POTEE: variants seen among roughly 807,000 people sequenced by gnomAD.
POTEE encodes ANKRD26-like family C member 1A.
Under a neutral mutation model 74.2 loss-of-function variants are expected in POTEE, and 21 were observed. The observed-to-expected ratio is 0.28, with a 90% CI of 0.20 to 0.41. The LOEUF is 0.41. POTEE is among the 10% of genes least tolerant of loss of function. The pLI is 1.00. For missense variants in POTEE, 525 were observed against 1,158.6 expected, an observed-to-expected ratio of 0.45 and a Z score of 7.94; for synonymous variants, 211 against 432.8, an observed-to-expected ratio of 0.49 and a Z score of 6.36.
rs1052981572 is a variant in POTEE, at chr2:131,217,894, G to A, written c.-94+211G>A. 2.6e-3 allele frequency among the ~76,000 whole-genome samples: 388 copies of A among 149,210 alleles called. 6 individuals are homozygous for A. The highest frequency in any genetic ancestry group is 9.3e-3 in the African/African-American group (375 of 40,492). On this transcript the variant is annotated intron_variant, in intron 3 of 17. Transcript: ENST00000683005. ...CGGCTTGCACGCGCACGCCGCACGC[G>A]CGTAACGGCTTGGCTGGCCTGTAAT...
chr2:131,209,571 G>C lies in POTEE; in HGVS notation c.-593G>C, dbSNP rs1005851659. On this transcript the variant is annotated 5_prime_UTR_variant, in exon 1 of 18. Coordinates refer to ENST00000683005, the MANE Select transcript of POTEE (RefSeq NM_001083538.3). ...CTTAAGTGTGGGCGTTTGGTAACCG[G>C]CATGGCTGCTACCTGTTTCTGGCTG... Among the ~76,000 whole-genome samples the C allele has an allele frequency of 2.6e-5, 4 of 152,230 alleles. No homozygotes were observed. Among genetic ancestry groups the C allele is most frequent in the Non-Finnish European group, 5.9e-5 (4 of 68,046 alleles).
intron 8 of POTEE, 61 bp from the exon 9 acceptor site, chr2:131,230,775 G>T (rs1700928282): frequency 2.6e-6 from 4 of 1,568,058 alleles, no homozygotes; most frequent in East Asian, 2.4e-5. Context: ...TCTACATTTG[G>T]TAAGTTTTTT....
intron 1 of POTEE, among the ~76,000 whole-genome samples, 164 bp downstream of exon 1, chr2:131,209,983 C>A (rs569839612): frequency 3.4e-5 from 3 of 88,928 alleles, no homozygotes; most frequent in Non-Finnish European, 6.1e-5. Context: ...GCTGGCTGTC[C>A]GGGGCTACAC....
rs538380170 is a variant in POTEE, at chr2:131,263,801, G to A, written c.2346G>A (p.Met782Ile). 1 of 1,613,846 alleles carries A rather than the reference G, an allele frequency of 6.2e-7. No homozygotes were observed. The highest frequency in any genetic ancestry group is 1.7e-5 in the Admixed American group (1 of 60,014). Residue 782 changes from methionine to isoleucine, a missense_variant, in exon 18 of 18, where the codon ATG becomes ATA. Physicochemically the swap from Met to Ile is conservative, Grantham distance 10. Transcript: ENST00000683005. ...GCATCATCACCAACTGGGATGACATGGAGAAGATCTGGCACCACACCTTCT... is the reference window on the plus strand; with the variant it reads ...GCATCATCACCAACTGGGATGACATAGAGAAGATCTGGCACCACACCTTCT... ...EHGIITNWDD[M>I]EKIWHHTFYN...
chr2:131,225,880 G>A (rs1700769954), intron 6 of POTEE, among the ~76,000 whole-genome samples: 1 of 152,090 alleles, frequency 6.6e-6, no homozygotes, highest in Admixed American at 6.5e-5. Context: ...TTGGTAGTAT[G>A]TATCAGCTTA....
chr2:131,246,701 CA>C (rs1401457682), intron 13 of POTEE, among the ~76,000 whole-genome samples: 1 of 49,702 alleles, frequency 2.0e-5, no homozygotes, highest in Non-Finnish European at 4.0e-5. Flanking sequence ...CAAAAACAGA[CA>C]GGAGCTTGTT....
At chr2:131,212,062 C>A (rs572928107) in intron 2 of POTEE, among the ~76,000 whole-genome samples, 60 of 151,174 alleles carry the variant, frequency 4.0e-4, no homozygotes, top group African/African-American at 1.4e-3. Flanking sequence ...CTTGTTTCTC[C>A]TCCTCTTTTT....
chr2:131,260,603 T>C (rs1701678825), intron 16 of POTEE, among the ~76,000 whole-genome samples: 1 of 149,506 alleles, frequency 6.7e-6, no homozygotes, highest in Admixed American at 6.6e-5. Flanking sequence ...ATTGTTGATA[T>C]GAACTCTCAG....
intron 8 of POTEE, among the ~76,000 whole-genome samples, chr2:131,229,453 C>A (rs1700880710): frequency 6.6e-6 from 1 of 152,232 alleles, no homozygotes; most frequent in South Asian, 2.1e-4. Flanking sequence ...GGAGCTACTT[C>A]CATCTCTAGC....
At chr2:131,229,575 G>T (rs1700884628) in intron 8 of POTEE, 1 of 152,306 alleles carries the variant, frequency 6.6e-6, no homozygotes, top group Middle Eastern at 3.4e-3. Flanking sequence ...TGTCCATGAC[G>T]CATCACTAAT....
At chr2:131,238,112 T>G (rs1237402989) in intron 10 of POTEE, 82 bp from the exon 11 acceptor site, 2 of 1,537,188 alleles carry the variant, frequency 1.3e-6, no homozygotes, top group Middle Eastern at 1.7e-4. Flanking sequence ...AAGAATAAAA[T>G]TTTTTTAAAA....
At chr2:131,231,945 T>C (rs1700975463) in intron 9 of POTEE, among the ~76,000 whole-genome samples, 3 of 152,166 alleles carry the variant, frequency 2.0e-5, no homozygotes, top group African/African-American at 7.2e-5. Context: ...AAAGATGGAA[T>C]AGATGTAGTT....
At chr2:131,224,574 T>C (rs557360336) in intron 6 of POTEE, among the ~76,000 whole-genome samples, 1,743 of 150,926 alleles carry the variant, frequency 0.012, 32 homozygotes, top group African/African-American at 0.04. Context: ...CAAGGCCAAT[T>C]TGGAAATTAG....
At chr2:131,258,552 T>C (rs1701624053) in intron 16 of POTEE, among the ~76,000 whole-genome samples, 1 of 151,914 alleles carries the variant, frequency 6.6e-6, no homozygotes, top group African/African-American at 2.4e-5. Context: ...CTCTGTACAA[T>C]AATAGTGATA....
At chr2:131,259,300 A>G (rs2105135677) in intron 16 of POTEE, among the ~76,000 whole-genome samples, 1 of 141,494 alleles carries the variant, frequency 7.1e-6, no homozygotes, top group East Asian at 2.1e-4. Flanking sequence ...ATCTTTGCAT[A>G]TTGTGAATTG....
rs1700497741 is a variant in POTEE, at chr2:131,218,331, G to A, written c.-72G>A. The A allele has an allele frequency of 6.2e-7, 1 of 1,600,438 alleles. No homozygotes were observed. The highest frequency in any genetic ancestry group is 8.5e-7 in the Non-Finnish European group (1 of 1,173,122). On this transcript the variant is annotated 5_prime_UTR_variant, in exon 4 of 18. Transcript: ENST00000683005. ...ACAGATTGGAAACCCGGAGTTACCT[G>A]CTAGTTGGTGAAACTGGTTGGTAGA...
At chr2:131,230,601 A>T (rs1416367497) in intron 8 of POTEE, among the ~76,000 whole-genome samples, 1 of 152,146 alleles carries the variant, frequency 6.6e-6, no homozygotes, top group Non-Finnish European at 1.5e-5. Flanking sequence ...ATGCTAGCTA[A>T]TTTACTGGGT....
At chr2:131,262,713 A>T (rs1156355237) in intron 17 of POTEE, among the ~76,000 whole-genome samples, 5 of 150,858 alleles carry the variant, frequency 3.3e-5, no homozygotes, top group African/African-American at 1.2e-4. Context: ...TGAGTTCAGT[A>T]TTATATGTAG....
intron 4 of POTEE, among the ~76,000 whole-genome samples, chr2:131,219,774 T>G (rs1045384023): frequency 1.3e-5 from 2 of 152,000 alleles, no homozygotes; most frequent in African/African-American, 4.8e-5. Flanking sequence ...TTTCTATTTA[T>G]CACTTTTACC....
Sources: gnomAD v4.1 joint callset for allele counts (sites outside exome capture counted in the v4.1 genomes callset) on GRCh38, gnomAD v4.1.1 for gene constraint, MANE v1.5 for transcripts, NCBI Gene and HGNC (gene_info 2026-07-23, HGNC 2026-07-21) for gene names.